The following USP34 variants were observed in gnomAD, a reference collection of about 807,000 sequenced individuals.
USP34 encodes the protein ubiquitin specific peptidase 34.
A neutral mutation model predicts 460.3 loss-of-function variants in USP34; 70 were observed. The observed-to-expected ratio is 0.15, with a 90% CI of 0.13 to 0.19. The LOEUF (loss-of-function observed/expected upper bound fraction) is 0.19, where lower values mean the gene tolerates loss of function less well. Ranked by LOEUF, USP34 falls within the 10% of genes least tolerant of loss-of-function variation. The pLI is 1.00. For missense variants in USP34, 3,985 were observed against 4,236.2 expected (o/e 0.94, Z 1.65); for synonymous variants, 1,647 against 1,405.3 (o/e 1.17, Z -3.85).
At position 61,187,814 on chromosome 2, in the gene USP34, C is replaced by T. The variant is rs911696688; in HGVS notation, c.*288G>A. 1.2e-5 allele frequency: 12 copies of T among 1,012,118 alleles called. No homozygotes were observed. Among genetic ancestry groups the T allele is most frequent in the Non-Finnish European group, 1.5e-5 (12 of 775,658 alleles). The allele number at this position is 1,012,118 out of a possible 1,614,324, so 62.7% of individuals were successfully genotyped here. On this transcript the variant is annotated 3_prime_UTR_variant, in exon 80 of 80. Coordinates refer to ENST00000398571, the MANE Select transcript of USP34 (RefSeq NM_014709.4). ...TTAAATTACATTGTACAGGGCTAGG[C>T]AACCCTGTTCTTCCCAGACAGCCAT... is the stretch of plus-strand genomic sequence containing the variant.
chr2:61,421,049 C>A (rs1333619257), intron 1 of USP34, among the ~76,000 whole-genome samples: 3 of 152,056 alleles, frequency 2.0e-5, no homozygotes, highest in Non-Finnish European at 4.4e-5. Flanking sequence ...TGAGACTTTG[C>A]CACTTATTCT....
At chr2:61,321,467 T>C (rs1690920925) in intron 21 of USP34, among the ~76,000 whole-genome samples, 1 of 152,146 alleles carries the variant, frequency 6.6e-6, no homozygotes, top group African/African-American at 2.4e-5. Flanking sequence ...TAAGACTCCG[T>C]CTCAAAACAA....
chr2:61,433,876 T>G (rs1413472293), intron 1 of USP34, among the ~76,000 whole-genome samples: 1 of 152,130 alleles, frequency 6.6e-6, no homozygotes, highest in African/African-American at 2.4e-5. Context: ...TCTGCAGCAC[T>G]TCAGCTCCAT....
At chr2:61,368,448 A>T (rs1692508494) in intron 10 of USP34, among the ~76,000 whole-genome samples, 1 of 151,954 alleles carries the variant, frequency 6.6e-6, no homozygotes, top group Non-Finnish European at 1.5e-5. Flanking sequence ...AAAAAAGAAG[A>T]ATGGGCATGT....
rs186818333 is a variant in USP34 at position 61,395,516 on chromosome 2, C to T, written c.553-283G>A. The stretch of plus-strand genomic sequence containing the variant: ...TTAAAAAAATCAATGTTTAAAATCC[C>T]GGCCGGACGCGGTGGCTCACGCCTG... On this transcript the variant is annotated intron_variant, in intron 3 of 79. Transcript: ENST00000398571. Among the ~76,000 whole-genome samples, 422 of 147,914 alleles carry T rather than the reference C, an allele frequency of 2.9e-3. 2 individuals carry two copies. Among genetic ancestry groups the T allele is most frequent in the African/African-American group, 0.01 (392 of 37,556 alleles).
chr2:61,264,333 G>A (rs1688983900), intron 43 of USP34, among the ~76,000 whole-genome samples: 4 of 152,180 alleles, frequency 2.6e-5, no homozygotes, highest in African/African-American at 4.8e-5. Flanking sequence ...AAGAAATCAA[G>A]ACAAAAGATA....
chr2:61,255,470 T>G (rs1383337509), intron 48 of USP34, among the ~76,000 whole-genome samples: 1 of 152,208 alleles, frequency 6.6e-6, no homozygotes, highest in Non-Finnish European at 1.5e-5. Context: ...ATTTGTATCT[T>G]AGGAATCAGC....
intron 53 of USP34, 61 bp from the exon 54 acceptor site, chr2:61,236,450 A>ATTTT: frequency 8.0e-7 from 1 of 1,252,372 alleles, no homozygotes; most frequent in South Asian, 1.5e-5. Context: ...TTTTACCAAT[A>ATTTT]TTTTTATTAG....
At chr2:61,388,538 T>A (rs1253474528) in intron 5 of USP34, among the ~76,000 whole-genome samples, 1 of 150,658 alleles carries the variant, frequency 6.6e-6, no homozygotes, top group East Asian at 2.0e-4. Flanking sequence ...AGGCGGATCA[T>A]GAGGTCAGGA....
At chr2:61,228,387 T>C (rs1687792824) in intron 61 of USP34, among the ~76,000 whole-genome samples, 1 of 152,206 alleles carries the variant, frequency 6.6e-6, no homozygotes, top group Admixed American at 6.5e-5. Context: ...GACCCTAAAG[T>C]AGGTGACCAC....
intron 1 of USP34, 131 bp downstream of exon 1, chr2:61,470,519 G>A (rs574092727): frequency 3.7e-4 from 115 of 311,514 alleles, no homozygotes; most frequent in African/African-American, 2.4e-3. Flanking sequence ...GCACCTTCCC[G>A]GGGCGCTAGG....
chr2:61,265,358 G>C lies in USP34; in HGVS notation c.5778+39C>G, dbSNP rs116626849. 9.5e-4 allele frequency: 1,483 copies of C among 1,566,702 alleles called. 15 individuals carry two copies. The African/African-American group carries it at 0.018, about 19-fold the overall frequency. ...ATTTATCAACAAAATATTAAAATCTGGTTTATAATTTTGATTTTTAAAGTG... is the reference window on the plus strand; with the variant it reads ...ATTTATCAACAAAATATTAAAATCTCGTTTATAATTTTGATTTTTAAAGTG... On this transcript the variant is annotated intron_variant, in intron 43 of 79. Transcript: ENST00000398571.
intron 8 of USP34, among the ~76,000 whole-genome samples, chr2:61,373,412 C>T (rs143792728): frequency 6.6e-6 from 1 of 150,392 alleles, no homozygotes; most frequent in Non-Finnish European, 1.5e-5. Context: ...CCAAGACATA[C>T]TTTAGCTTCA....
At chr2:61,259,277 A>C (rs1688807617) in intron 44 of USP34, among the ~76,000 whole-genome samples, 1 of 152,064 alleles carries the variant, frequency 6.6e-6, no homozygotes, top group Non-Finnish European at 1.5e-5. Flanking sequence ...TAAATAAATA[A>C]ATAAAAAAGT....
intron 41 of USP34, among the ~76,000 whole-genome samples, chr2:61,276,841 C>T (rs781539044): frequency 6.6e-5 from 10 of 152,146 alleles, no homozygotes; most frequent in Non-Finnish European, 1.0e-4. Context: ...AGACTGTAAT[C>T]TTAAGTTGAT....
intron 21 of USP34, among the ~76,000 whole-genome samples, chr2:61,320,588 A>C (rs1690886654): frequency 6.6e-6 from 1 of 152,232 alleles, no homozygotes; most frequent in African/African-American, 2.4e-5. Flanking sequence ...TATCTCATCC[A>C]GGCGCAGTGG....
At position 61,334,117 on chromosome 2, in the gene USP34, G is replaced by A. The variant is rs2103737576; in HGVS notation, c.2745-146C>T. 7.8e-6 allele frequency: 4 copies of A among 512,730 alleles called. No homozygotes were observed. In the Middle Eastern group the frequency reaches 1.7e-3, roughly 220 times the overall value. 31.8% of individuals were successfully genotyped at this position (512,730 alleles called of 1,614,324 possible). On this transcript the variant is annotated intron_variant, in intron 18 of 79. Transcript: ENST00000398571. ...AAACATTAAACTTTTTTTCTCAGAA[G>A]TATAAATTCATTTTACATATTAGGG... is the stretch of plus-strand genomic sequence containing the variant.
intron 1 of USP34, among the ~76,000 whole-genome samples, chr2:61,458,341 A>C (rs914264289): frequency 1.3e-5 from 2 of 151,610 alleles, no homozygotes; most frequent in African/African-American, 4.8e-5. Context: ...CAGGCAAATC[A>C]CCTGAGGTCA....
intron 20 of USP34, among the ~76,000 whole-genome samples, chr2:61,326,415 G>A (rs1299225923): frequency 4.6e-5 from 7 of 152,160 alleles, no homozygotes; most frequent in African/African-American, 1.4e-4. Flanking sequence ...TTATAGTAGA[G>A]ACGGGGTTTC....
Sources: allele counts gnomAD v4.1 joint callset (sites outside exome capture counted in the v4.1 genomes callset), GRCh38; gene constraint gnomAD v4.1.1; transcripts MANE v1.5; gene names NCBI Gene and HGNC (gene_info 2026-07-23, HGNC 2026-07-21).